The following CAMK1D variants were observed in gnomAD, a reference collection of about 807,000 sequenced individuals.
CAMK1D encodes the protein calcium/calmodulin-dependent protein kinase type 1D.
Under a neutral mutation model 47.7 loss-of-function variants are expected in CAMK1D, and 9 were observed. That is an observed-to-expected ratio of 0.19 (90% CI 0.11 to 0.33). The LOEUF is 0.33. Among genes scored for constraint, CAMK1D ranks in the 10% least tolerant of loss-of-function variants. CAMK1D has a pLI of 1.00. For synonymous variants in CAMK1D, 184 were observed against 184.9 expected (o/e 0.99, Z 0.04); for missense variants, 291 against 488.7 (o/e 0.60, Z 3.81).
At chr10:12,776,426 T>C (rs899810035) in intron 5 of CAMK1D, among the ~76,000 whole-genome samples, 4 of 152,186 alleles carry the variant, frequency 2.6e-5, no homozygotes, top group African/African-American at 7.2e-5. Flanking sequence ...CCTGGAACTA[T>C]GTGCAGTCGA....
At chr10:12,508,077 G>A (rs1045002685) in intron 1 of CAMK1D, among the ~76,000 whole-genome samples, 3 of 152,134 alleles carry the variant, frequency 2.0e-5, no homozygotes, top group Admixed American at 1.3e-4. Context: ...CGAGCATCCC[G>A]AGACACTTGG....
chr10:12,528,805 G>T (rs1219988720), intron 1 of CAMK1D, among the ~76,000 whole-genome samples: 2 of 144,926 alleles, frequency 1.4e-5, no homozygotes, highest in African/African-American at 5.1e-5. Flanking sequence ...GCAGTGATAT[G>T]ATCATGGCTC....
intron 1 of CAMK1D, among the ~76,000 whole-genome samples, chr10:12,535,301 T>C (rs1420188897): frequency 6.6e-6 from 1 of 152,214 alleles, no homozygotes; most frequent in Non-Finnish European, 1.5e-5. Context: ...TACCACCAAA[T>C]TTCACTCTCT....
intron 2 of CAMK1D, among the ~76,000 whole-genome samples, chr10:12,665,610 T>G (rs1462363156): frequency 6.6e-6 from 1 of 152,244 alleles, no homozygotes; most frequent in Non-Finnish European, 1.5e-5. Flanking sequence ...AGGCTTATGG[T>G]AAGAGCTAAT....
intron 1 of CAMK1D, among the ~76,000 whole-genome samples, chr10:12,368,653 A>C (rs924723937): frequency 6.6e-6 from 1 of 151,704 alleles, no homozygotes; most frequent in Admixed American, 6.6e-5. Context: ...TAGGCTGAGC[A>C]CAGTGGTTCA....
intron 3 of CAMK1D, among the ~76,000 whole-genome samples, chr10:12,703,338 G>T (rs546262861): frequency 1.3e-5 from 2 of 152,132 alleles, no homozygotes; most frequent in South Asian, 4.1e-4. Context: ...GACTGGATTT[G>T]CCATTTCACC....
intron 1 of CAMK1D, among the ~76,000 whole-genome samples, chr10:12,532,485 T>G (rs954379395): frequency 6.6e-6 from 1 of 152,276 alleles, no homozygotes; most frequent in Non-Finnish European, 1.5e-5. Context: ...TTCACCGTTT[T>G]AGCCGGGATG....
At chr10:12,615,012 C>T (rs1399309143) in intron 2 of CAMK1D, among the ~76,000 whole-genome samples, 1 of 152,132 alleles carries the variant, frequency 6.6e-6, no homozygotes, top group East Asian at 1.9e-4. Flanking sequence ...GTGAAGATAA[C>T]GTTGGAGATG....
chr10:12,503,187 C>T (rs1301699357), intron 1 of CAMK1D, among the ~76,000 whole-genome samples: 5 of 152,004 alleles, frequency 3.3e-5, no homozygotes, highest in East Asian at 3.9e-4. Context: ...TATATATGTA[C>T]GTGTGGGTGC....
chr10:12,552,458 G>A (rs914581921), intron 1 of CAMK1D, among the ~76,000 whole-genome samples: 6 of 152,174 alleles, frequency 3.9e-5, no homozygotes, highest in African/African-American at 9.7e-5. Context: ...TTTGCAGAGC[G>A]CTCTGAAATT....
At chr10:12,638,249 C>G (rs564167038) in intron 2 of CAMK1D, among the ~76,000 whole-genome samples, 6 of 152,266 alleles carry the variant, frequency 3.9e-5, no homozygotes, top group African/African-American at 1.4e-4. Flanking sequence ...ACTGCCTGGC[C>G]CTCCCAGGTC....
intron 2 of CAMK1D, among the ~76,000 whole-genome samples, chr10:12,576,992 G>A (rs893291305): frequency 3.3e-5 from 5 of 152,206 alleles, no homozygotes; most frequent in Non-Finnish European, 7.3e-5. Context: ...GAAAGGGGTG[G>A]AGAGAGGCCG....
At chr10:12,536,400 TC>T (rs1835971642) in intron 1 of CAMK1D, among the ~76,000 whole-genome samples, 1 of 152,148 alleles carries the variant, frequency 6.6e-6, no homozygotes, top group South Asian at 2.1e-4. Flanking sequence ...TACCTTAGCC[TC>T]CAGAGTAGCT....
At chr10:12,591,386 C>G (rs1837990726) in intron 2 of CAMK1D, among the ~76,000 whole-genome samples, 1 of 152,220 alleles carries the variant, frequency 6.6e-6, no homozygotes, top group African/African-American at 2.4e-5. Flanking sequence ...AACCGATCAC[C>G]CGGATGGGCT....
intron 2 of CAMK1D, among the ~76,000 whole-genome samples, chr10:12,601,185 G>GTTTTT (rs1564438027): frequency 5.8e-5 from 1 of 17,348 alleles, no homozygotes; most frequent in Non-Finnish European, 4.2e-4. Flanking sequence ...TTTTTTTTTT[G>GTTTTT]TTTGTTTGTT....
intron 2 of CAMK1D, among the ~76,000 whole-genome samples, chr10:12,576,461 T>G (rs1008592360): frequency 6.6e-6 from 1 of 152,144 alleles, no homozygotes; most frequent in African/African-American, 2.4e-5. Flanking sequence ...TGTACTTTAT[T>G]TTTATTATTA....
rs138073595 is a variant in CAMK1D, at chr10:12,593,971, G to A, written c.224+40615G>A. ...GTGGGTGGATCACTTGAGGTCAGGA[G>A]TTCGAGACCAGCCTGACCAACGTGG... is the stretch of plus-strand genomic sequence containing the variant. On this transcript the variant is annotated intron_variant, in intron 2 of 10. Coordinates refer to ENST00000619168, the MANE Select transcript of CAMK1D (RefSeq NM_153498.4). Among the ~76,000 whole-genome samples the A allele has an allele frequency of 2.6e-3, 390 of 152,318 alleles. 2 individuals are homozygous for A. Among genetic ancestry groups the A allele is most frequent in the African/African-American group, 8.9e-3 (369 of 41,566 alleles).
chr10:12,766,361 CTTTTTT>C (rs61097569), intron 4 of CAMK1D, among the ~76,000 whole-genome samples: 1 of 103,374 alleles, frequency 9.7e-6, no homozygotes, highest in Admixed American at 1.2e-4. Flanking sequence ...TTGCCTGTTT[CTTTTTT>C]TTTTTTTTTT....
intron 1 of CAMK1D, among the ~76,000 whole-genome samples, chr10:12,459,530 A>G (rs1050409639): frequency 1.3e-5 from 2 of 152,196 alleles, no homozygotes; most frequent in Non-Finnish European, 2.9e-5. Flanking sequence ...ATACACTCAG[A>G]TAAATCACAT....
Sources: allele counts gnomAD v4.1 joint callset (sites outside exome capture counted in the v4.1 genomes callset), GRCh38; gene constraint gnomAD v4.1.1; transcripts MANE v1.5; gene names NCBI Gene and HGNC (gene_info 2026-07-23, HGNC 2026-07-21).